Variants in KALRN observed in about 807,000 individuals in gnomAD.
The protein encoded by KALRN is kalirin.
A neutral mutation model predicts 353.7 loss-of-function variants in KALRN; 70 were observed. The ratio of observed to expected loss-of-function variants is 0.20; its 90% CI spans 0.16 to 0.24. KALRN has a LOEUF of 0.24. Among genes scored for constraint, KALRN ranks in the 10% least tolerant of loss-of-function variants. KALRN has a pLI of 1.00. For missense variants in KALRN, 2,791 were observed against 3,756.7 expected, an observed-to-expected ratio of 0.74 and a Z score of 6.72; for synonymous variants, 1,391 against 1,434.8, an observed-to-expected ratio of 0.97 and a Z score of 0.69.
At chr3:124,519,753 G>T in intron 33 of KALRN, 1 of 985,432 alleles carries the variant, frequency 1.0e-6, no homozygotes, top group Non-Finnish European at 1.2e-6. Context: ...ATCCAATGGA[G>T]AACTTTAACA....
At chr3:124,661,783 T>C in intron 44 of KALRN, 68 bp from the exon 45 acceptor site, 1 of 1,251,826 alleles carries the variant, frequency 8.0e-7, no homozygotes, top group Non-Finnish European at 1.2e-6. Flanking sequence ...TTTCCAGCAC[T>C]GAATTACCAA....
chr3:124,091,773 T>A (rs942891931), intron 1 of KALRN, among the ~76,000 whole-genome samples: 1 of 152,046 alleles, frequency 6.6e-6, no homozygotes, highest in African/African-American at 2.4e-5. Flanking sequence ...TTGACCATGA[T>A]GAAAGAAGGA....
chr3:124,347,665 G>A (rs2082414029), intron 10 of KALRN, among the ~76,000 whole-genome samples: 1 of 152,064 alleles, frequency 6.6e-6, no homozygotes, highest in South Asian at 2.1e-4. Flanking sequence ...TCACCCCAGG[G>A]CTACTGCTTA....
intron 6 of KALRN, 134 bp downstream of exon 6, chr3:124,299,047 G>T: frequency 1.7e-6 from 2 of 1,207,646 alleles, no homozygotes; most frequent in Non-Finnish European, 2.4e-6. Context: ...TCCATTTGTT[G>T]GAATGGGGAT....
At chr3:124,566,929 C>A (rs946433182) in intron 34 of KALRN, among the ~76,000 whole-genome samples, 10 of 152,178 alleles carry the variant, frequency 6.6e-5, no homozygotes, top group African/African-American at 2.4e-5. Flanking sequence ...ACCAAGTCAG[C>A]ACTCTTGCAG....
At chr3:124,633,217 AG>A (rs1341672629) in intron 35 of KALRN, among the ~76,000 whole-genome samples, 1 of 152,230 alleles carries the variant, frequency 6.6e-6, no homozygotes, top group African/African-American at 2.4e-5. Flanking sequence ...AGTTTAATCT[AG>A]GAGTCAGTCA....
intron 15 of KALRN, among the ~76,000 whole-genome samples, chr3:124,426,203 G>A (rs150545642): frequency 1.9e-4 from 29 of 152,298 alleles, no homozygotes; most frequent in African/African-American, 5.8e-4. Flanking sequence ...AGGCATTTGT[G>A]TTTGATGGAA....
rs961924754 is a variant in KALRN at position 124,402,263 on chromosome 3, C to G, written c.2346+3392C>G. The stretch of plus-strand genomic sequence containing the variant: ...GGAATGAGATCATAGGGCATGCCCA[C>G]ATAAAGTGAAACATCCTAAATTTGT... On this transcript the variant is annotated intron_variant, in intron 13 of 59. Coordinates refer to ENST00000682506, the MANE Select transcript of KALRN (RefSeq NM_001388419.1). Among the ~76,000 whole-genome samples, 4 of 152,306 alleles carry G rather than the reference C, an allele frequency of 2.6e-5. No homozygotes were observed. The East Asian group carries it at 7.7e-4, about 29-fold the overall frequency.
At chr3:124,104,776 A>G (rs758971126) in intron 1 of KALRN, among the ~76,000 whole-genome samples, 7 of 152,196 alleles carry the variant, frequency 4.6e-5, no homozygotes, top group Non-Finnish European at 7.3e-5. Context: ...AGAACAGCTA[A>G]TTGCCTAGAG....
intron 3 of KALRN, among the ~76,000 whole-genome samples, chr3:124,243,824 T>G (rs921350527): frequency 6.6e-6 from 1 of 152,328 alleles, no homozygotes; most frequent in African/African-American, 2.4e-5. Context: ...ATAACACATG[T>G]AAAATGCCTA....
At chr3:124,222,399 A>G (rs1366278106) in intron 1 of KALRN, among the ~76,000 whole-genome samples, 1 of 152,200 alleles carries the variant, frequency 6.6e-6, no homozygotes, top group African/African-American at 2.4e-5. Flanking sequence ...ATCTCTGGGC[A>G]GTGGAGAGGG....
rs542926962 is a variant in KALRN at position 124,339,520 on chromosome 3, T to C, written c.1647+5025T>C. Among the ~76,000 whole-genome samples the C allele has an allele frequency of 5.3e-5, 8 of 152,304 alleles. No homozygotes were observed. The East Asian group carries it at 1.5e-3, about 29-fold the overall frequency. ...TTGGGCATTTCAAGTGGTGCCTGCA[T>C]GCTCTCCAGTTGCAGCCGATGGGGA... On this transcript the variant is annotated intron_variant, in intron 9 of 59. Transcript: ENST00000682506.
chr3:124,036,607 T>G (rs1216651913), intron 1 of KALRN, among the ~76,000 whole-genome samples: 1 of 152,178 alleles, frequency 6.6e-6, no homozygotes, highest in African/African-American at 2.4e-5. Context: ...CCCATCTCTG[T>G]GGAATATAGC....
chr3:124,238,615 C>G (rs2080075081), intron 3 of KALRN, among the ~76,000 whole-genome samples: 1 of 152,194 alleles, frequency 6.6e-6, no homozygotes, highest in Non-Finnish European at 1.5e-5. Context: ...TCTAAGTGCT[C>G]TCTTCTCAGA....
intron 27 of KALRN, among the ~76,000 whole-genome samples, chr3:124,480,751 G>C (rs1358502210): frequency 6.6e-6 from 1 of 152,120 alleles, no homozygotes; most frequent in South Asian, 2.1e-4. Context: ...TCTACTTTAT[G>C]TCTCTACAGA....
chr3:124,047,830 A>G (rs968796033), intron 1 of KALRN, among the ~76,000 whole-genome samples: 29 of 152,030 alleles, frequency 1.9e-4, no homozygotes, highest in South Asian at 2.1e-4. Context: ...GAAGTTTTTA[A>G]AAATATAAAG....
intron 34 of KALRN, among the ~76,000 whole-genome samples, chr3:124,574,998 C>T (rs903566548): frequency 3.3e-5 from 5 of 152,220 alleles, no homozygotes; most frequent in African/African-American, 4.8e-5. Flanking sequence ...AACTCCTCAC[C>T]GAGGATCTAT....
At chr3:124,231,124 G>A (rs930052931) in intron 2 of KALRN, among the ~76,000 whole-genome samples, 1 of 152,188 alleles carries the variant, frequency 6.6e-6, no homozygotes, top group Non-Finnish European at 1.5e-5. Context: ...CCATGGGAAC[G>A]TACATTGGGA....
intron 3 of KALRN, among the ~76,000 whole-genome samples, chr3:124,235,202 A>G (rs2079606943): frequency 6.6e-6 from 1 of 152,180 alleles, no homozygotes; most frequent in Non-Finnish European, 1.5e-5. Context: ...GAAACACTCT[A>G]TGACACTGAT....
Sources: gnomAD v4.1 joint callset for allele counts (sites outside exome capture counted in the v4.1 genomes callset) on GRCh38, gnomAD v4.1.1 for gene constraint, MANE v1.5 for transcripts, NCBI Gene and HGNC (gene_info 2026-07-23, HGNC 2026-07-21) for gene names.